SEC14L2: variants seen among roughly 807,000 people sequenced by gnomAD.
The protein encoded by SEC14L2 is SEC14 like lipid binding 2, also known as SEC14-like protein 2.
SEC14L2 carries 50 observed loss-of-function variants against 56.9 expected under a neutral mutation model. The observed-to-expected ratio is 0.88, with a 90% CI of 0.70 to 1.11. The LOEUF is 1.11. Ranked by LOEUF, SEC14L2 falls within the 50% of genes most tolerant of loss-of-function variation. The probability of loss-of-function intolerance (pLI) is 0.00; values close to 1 mark genes in which losing one functional copy is unlikely to be tolerated. For missense variants in SEC14L2, 414 were observed against 500.7 expected, an observed-to-expected ratio of 0.83 and a Z score of 1.65; for synonymous variants, 179 against 188.5, an observed-to-expected ratio of 0.95 and a Z score of 0.41.
At chr22:30,405,998 C>T (rs761970681) in intron 2 of SEC14L2, among the ~76,000 whole-genome samples, 1 of 151,982 alleles carries the variant, frequency 6.6e-6, no homozygotes, top group Non-Finnish European at 1.5e-5. Context: ...AGGGGGAAGG[C>T]CAAATGATAA....
chr22:30,412,154 T>A (rs914524169), intron 8 of SEC14L2, among the ~76,000 whole-genome samples: 1 of 152,048 alleles, frequency 6.6e-6, no homozygotes, highest in African/African-American at 2.4e-5. Context: ...TACAGGCCAC[T>A]GGGAATCAGA....
chr22:30,406,467 C>G, intron 3 of SEC14L2, 82 bp downstream of exon 3: 1 of 1,395,308 alleles, frequency 7.2e-7, no homozygotes, highest in Non-Finnish European at 1.0e-6. Context: ...CACCTCCCAT[C>G]CCAATCACAG....
In SEC14L2 at chr22:30,409,223, G is replaced by T. The variant is rs1199739856; in HGVS notation, c.460G>T (p.Asp154Tyr). 6.2e-7 allele frequency: 1 copy of T among 1,613,976 alleles called. No homozygotes were observed. Among genetic ancestry groups the T allele is most frequent in the East Asian group, 2.2e-5 (1 of 44,868 alleles). ...RKVETITIIY[D>Y]CEGLGLKHLW... Reference sequence around the variant, plus strand: ...GGTGGAGACCATCACCATAATTTATGACTGCGAGGGGCTTGGCCTCAAGCA... The same window carrying T: ...GGTGGAGACCATCACCATAATTTATTACTGCGAGGGGCTTGGCCTCAAGCA... The change falls in exon 6 of 12, where the codon GAC becomes TAC. Residue 154 changes from aspartate (D) to tyrosine (Y), a missense_variant. Coordinates refer to ENST00000615189, the MANE Select transcript of SEC14L2 (RefSeq NM_012429.5).
intron 11 of SEC14L2, among the ~76,000 whole-genome samples, chr22:30,419,541 T>G (rs1934463695): frequency 6.6e-6 from 1 of 152,154 alleles, no homozygotes. Flanking sequence ...AGACTCTGTC[T>G]CAAAACAACA....
At chr22:30,414,739 T>G (rs887903064) in intron 8 of SEC14L2, among the ~76,000 whole-genome samples, 1 of 150,578 alleles carries the variant, frequency 6.6e-6, no homozygotes, top group Non-Finnish European at 1.5e-5. Flanking sequence ...CAAACTCTCC[T>G]AGACAGGAAG....
intron 1 of SEC14L2, chr22:30,398,459 G>A (rs774127944): frequency 3.6e-4 from 124 of 340,740 alleles, no homozygotes; most frequent in Admixed American, 4.6e-4. Flanking sequence ...AAAGGTGAAT[G>A]GCTGGGAGCA....
rs748398098 is a variant in SEC14L2, at chr22:30,409,284, T to C, written c.519+2T>C. The C allele has an allele frequency of 6.3e-7, 1 of 1,594,916 alleles. No individual in the cohort carries two copies. Among genetic ancestry groups the C allele is most frequent in the Non-Finnish European group, 8.5e-7 (1 of 1,172,228 alleles). On this transcript the variant is annotated splice_donor_variant, in intron 6 of 11. Transcript: ENST00000615189. LOFTEE classifies it high-confidence loss of function. ...CCTGCTGTGGAGGCCTATGGAGAGG[T>C]GAGGGGCAGGGGTGGGGAGGAAGGG... is the stretch of plus-strand genomic sequence containing the variant.
At chr22:30,401,081 A>G (rs995486232) in intron 2 of SEC14L2, among the ~76,000 whole-genome samples, 6 of 150,902 alleles carry the variant, frequency 4.0e-5, no homozygotes, top group African/African-American at 1.5e-4. Flanking sequence ...ATTATGCCCT[A>G]TTATTTTAAT....
At chr22:30,413,097 T>A (rs1426302020) in intron 8 of SEC14L2, among the ~76,000 whole-genome samples, 1 of 152,134 alleles carries the variant, frequency 6.6e-6, no homozygotes, top group East Asian at 1.9e-4. Flanking sequence ...TCTGGAGATT[T>A]GGGAGTTATC....
intron 2 of SEC14L2, among the ~76,000 whole-genome samples, chr22:30,405,707 C>T (rs562383718): frequency 6.6e-6 from 1 of 152,166 alleles, no homozygotes; most frequent in Non-Finnish European, 1.5e-5. Context: ...GATGGGATCT[C>T]GCTGTGTCAC....
chr22:30,418,543 G>A (rs1569212165), intron 11 of SEC14L2, among the ~76,000 whole-genome samples: 1 of 152,178 alleles, frequency 6.6e-6, no homozygotes, highest in South Asian at 2.1e-4. Context: ...TCAGGCTTGG[G>A]CTTGCAAACC....
At position 30,409,267 on chromosome 22, in the gene SEC14L2, G is replaced by A. The variant is rs1934183820; in HGVS notation, c.504G>A (p.Val168=). 6.2e-7 allele frequency: 1 copy of A among 1,613,818 alleles called. No homozygotes were observed. The highest frequency in any genetic ancestry group is 1.7e-5 in the Admixed American group (1 of 60,008). ...LGLKHLWKPA[V]EAYGEFLCMF... ...TCAAGCATCTCTGGAAGCCTGCTGT[G>A]GAGGCCTATGGAGAGGTGAGGGGCA... The change falls in exon 6 of 12, where the codon GTG becomes GTA. Residue 168 remains valine (V), a synonymous_variant. Transcript: ENST00000615189.
chr22:30,410,024 C>T (rs1934206872), intron 7 of SEC14L2, among the ~76,000 whole-genome samples: 1 of 152,178 alleles, frequency 6.6e-6, no homozygotes, highest in Non-Finnish European at 1.5e-5. Flanking sequence ...ATAGCAAAAC[C>T]CCATCTCTAC....
chr22:30,407,670 G>T, intron 5 of SEC14L2, 67 bp downstream of exon 5: 2 of 1,385,648 alleles, frequency 1.4e-6, no homozygotes, highest in Non-Finnish European at 2.0e-6. Context: ...AAGCAGGGAT[G>T]TCACACAGGA....
intron 11 of SEC14L2, among the ~76,000 whole-genome samples, chr22:30,419,927 T>G (rs1934471651): frequency 6.6e-6 from 1 of 151,862 alleles, no homozygotes; most frequent in South Asian, 2.1e-4. Flanking sequence ...AATCTAAAAT[T>G]ATGTGCCTTT....
intron 2 of SEC14L2, among the ~76,000 whole-genome samples, chr22:30,404,841 G>A (rs1315149866): frequency 1.3e-5 from 2 of 152,100 alleles, no homozygotes; most frequent in Admixed American, 6.6e-5. Flanking sequence ...AGGCCCAGGC[G>A]GGTGGATCAC....
intron 7 of SEC14L2, 131 bp from the exon 8 acceptor site, chr22:30,410,465 T>G: frequency 1.3e-6 from 1 of 793,842 alleles, no homozygotes; most frequent in Non-Finnish European, 2.1e-6. Context: ...GCTGCCTATG[T>G]GGGCTCCAGA....
At position 30,423,716 on chromosome 22, in the gene SEC14L2, G is replaced by A. The variant is rs938558884; in HGVS notation, c.*1309G>A. ...TGAGGGAGCTCAGGGCAAAGGCCAGGCTAGCGCGGACCGGAAGGGGCCGAG... is the reference window on the plus strand; with the variant it reads ...TGAGGGAGCTCAGGGCAAAGGCCAGACTAGCGCGGACCGGAAGGGGCCGAG... On this transcript the variant is annotated 3_prime_UTR_variant, in exon 12 of 12. Transcript: ENST00000615189. The A allele has an allele frequency of 6.6e-6, 1 of 152,344 alleles. No individual in the cohort carries two copies. Among genetic ancestry groups the A allele is most frequent in the Non-Finnish European group, 1.5e-5 (1 of 68,096 alleles). 9.4% of individuals were successfully genotyped at this position (152,344 alleles called of 1,614,324 possible).
chr22:30,407,187 C>G, intron 4 of SEC14L2, 33 bp downstream of exon 4: 1 of 1,611,262 alleles, frequency 6.2e-7, no homozygotes, highest in Non-Finnish European at 8.5e-7. Flanking sequence ...CATCCCTATG[C>G]TAGGCCTTTC....
Sources: allele counts gnomAD v4.1 joint callset (sites outside exome capture counted in the v4.1 genomes callset), GRCh38; gene constraint gnomAD v4.1.1; transcripts MANE v1.5; gene names NCBI Gene and HGNC (gene_info 2026-07-23, HGNC 2026-07-21).